The following USP7 variants were observed in gnomAD, a reference collection of about 807,000 sequenced individuals.
USP7 encodes ubiquitin C-terminal hydrolase 7.
In USP7, 9 loss-of-function variants were observed where a neutral mutation model predicts 162.9. The observed-to-expected ratio is 0.06, with a 90% CI of 0.03 to 0.10. The LOEUF is 0.10. Among genes scored for constraint, USP7 ranks in the 10% least tolerant of loss-of-function variants. USP7 has a pLI of 1.00. For missense variants in USP7, 715 were observed against 1,373.7 expected (o/e 0.52, Z 7.58); for synonymous variants, 562 against 475.9 (o/e 1.18, Z -2.35).
intron 1 of USP7, among the ~76,000 whole-genome samples, chr16:8,951,046 A>G (rs1238361464): frequency 6.6e-6 from 1 of 152,236 alleles, no homozygotes; most frequent in East Asian, 1.9e-4. Context: ...TGTGAGCAGC[A>G]GCGACACGCA....
chr16:8,924,442 C>T (rs562519417), intron 2 of USP7, among the ~76,000 whole-genome samples: 1 of 152,376 alleles, frequency 6.6e-6, no homozygotes, highest in Admixed American at 6.5e-5. Flanking sequence ...CCCAGGGCCA[C>T]ACCAAGGGCC....
chr16:8,911,205 C>G (rs1321872098), intron 10 of USP7, among the ~76,000 whole-genome samples: 2 of 152,154 alleles, frequency 1.3e-5, no homozygotes, highest in African/African-American at 2.4e-5. Flanking sequence ...GCTGATGTGG[C>G]AGAATGACAA....
chr16:8,902,268 GA>G lies in USP7; in HGVS notation c.1942-82del, dbSNP rs1318426971. 1.9e-6 allele frequency: 3 copies of G among 1,580,222 alleles called. No homozygotes were observed. In the African/African-American group the frequency reaches 4.1e-5, roughly 21 times the overall value. On this transcript the variant is annotated intron_variant, in intron 17 of 30. Transcript: ENST00000344836. ...CGAAAAACTACAGTCAAGTATTGAAGAAAACGTCCAATTCTAGTTAAGTGGA... is the reference window on the plus strand; with the variant it reads ...CGAAAAACTACAGTCAAGTATTGAAGAAACGTCCAATTCTAGTTAAGTGGA...
chr16:8,902,588 A>C, intron 16 of USP7, 106 bp from the exon 17 acceptor site: 1 of 928,050 alleles, frequency 1.1e-6, no homozygotes, highest in Non-Finnish European at 1.6e-6. Flanking sequence ...TATATAGTCA[A>C]TGTTAAGACT....
In USP7 at chr16:8,930,322, T is replaced by G; in HGVS notation, c.155A>C (p.His52Pro). The change falls in exon 2 of 31, where the codon CAC (histidine) becomes CCC (proline). Residue 52 changes from histidine (H) to proline (P), a missense_variant. His to Pro is a moderately conservative substitution (Grantham distance 77, BLOSUM62 -2). Coordinates refer to ENST00000344836, the MANE Select transcript of USP7 (RefSeq NM_003470.3). ...INGNVALSDG[H>P]NTAEEDMEDD... ...CTCCATGTCCTCCTCCGCGGTGTTG[T>G]GTCCATCACTCAGGGCCACATTCCC... 6.2e-7 allele frequency: 1 copy of G among 1,613,626 alleles called. No individual in the cohort carries two copies. The highest frequency in any genetic ancestry group is 8.5e-7 in the Non-Finnish European group (1 of 1,179,776).
At chr16:8,929,346 G>A (rs576507935) in intron 2 of USP7, 10 of 379,970 alleles carry the variant, frequency 2.6e-5, no homozygotes, top group African/African-American at 6.3e-5. Flanking sequence ...ACAAAGCAGC[G>A]GGTTTAGACC....
chr16:8,937,904 G>T (rs914517241), intron 1 of USP7, among the ~76,000 whole-genome samples: 1 of 152,150 alleles, frequency 6.6e-6, no homozygotes, highest in Non-Finnish European at 1.5e-5. Context: ...GGAGCAAGAG[G>T]GGGAGAGAAA....
intron 1 of USP7, among the ~76,000 whole-genome samples, chr16:8,959,356 C>CAAAA (rs34434646): frequency 4.9e-5 from 7 of 142,496 alleles, no homozygotes; most frequent in Non-Finnish European, 4.5e-5. Context: ...AACACTAATT[C>CAAAA]AAAAAAAAAA....
At chr16:8,918,610 G>A (rs1897508951) in intron 6 of USP7, among the ~76,000 whole-genome samples, 1 of 152,118 alleles carries the variant, frequency 6.6e-6, no homozygotes, top group South Asian at 2.1e-4. Context: ...AGGAGTTCGA[G>A]ACCAGCCTGG....
At chr16:8,930,154 T>G (rs745320804) in intron 2 of USP7, 139 bp downstream of exon 2, 3 of 576,210 alleles carry the variant, frequency 5.2e-6, no homozygotes, top group Non-Finnish European at 8.9e-6. Flanking sequence ...AAACAGGATT[T>G]TCCTCAGTTA....
chr16:8,920,014 T>C (rs1324808822), intron 5 of USP7, among the ~76,000 whole-genome samples: 4 of 152,180 alleles, frequency 2.6e-5, no homozygotes, highest in African/African-American at 7.2e-5. Flanking sequence ...GAGGACTTCC[T>C]CCCTGCCCTC....
chr16:8,960,732 C>T (rs1054998367), intron 1 of USP7, among the ~76,000 whole-genome samples: 2 of 152,224 alleles, frequency 1.3e-5, no homozygotes, highest in African/African-American at 2.4e-5. Context: ...TTCCAGCCTT[C>T]TGGCTTTTTA....
intron 18 of USP7, among the ~76,000 whole-genome samples, chr16:8,901,566 T>C (rs1344770364): frequency 3.3e-5 from 5 of 151,988 alleles, no homozygotes; most frequent in Non-Finnish European, 7.4e-5. Context: ...ACGGGAAGAT[T>C]GCGCATGGTC....
chr16:8,921,397 T>A (rs1897682650), intron 3 of USP7, 102 bp from the exon 4 acceptor site: 2 of 1,328,422 alleles, frequency 1.5e-6, no homozygotes, highest in Admixed American at 4.6e-5. Flanking sequence ...CATTTATGAT[T>A]TCATTGCTCT....
chr16:8,904,800 A>T (rs2061833875), intron 14 of USP7, among the ~76,000 whole-genome samples: 2 of 151,516 alleles, frequency 1.3e-5, no homozygotes, highest in South Asian at 2.1e-4. Context: ...AAATAAAATA[A>T]AAATAAAATA....
chr16:8,944,928 C>T (rs974891087), intron 1 of USP7, among the ~76,000 whole-genome samples: 3 of 151,912 alleles, frequency 2.0e-5, no homozygotes, highest in African/African-American at 7.3e-5. Context: ...GCCAATATGG[C>T]GAAACCTCGC....
At chr16:8,923,105 T>C in intron 3 of USP7, 110 bp downstream of exon 3, 1 of 518,534 alleles carries the variant, frequency 1.9e-6, no homozygotes, top group Non-Finnish European at 3.0e-6. Flanking sequence ...GAGAAACACG[T>C]ATTTAATCTA....
intron 1 of USP7, among the ~76,000 whole-genome samples, chr16:8,953,472 A>G (rs138414736): frequency 1.3e-5 from 2 of 152,318 alleles, no homozygotes; most frequent in Non-Finnish European, 2.9e-5. Flanking sequence ...AAACCAAGAC[A>G]GTAAGAAACG....
At position 8,910,833 on chromosome 16, in the gene USP7, A is replaced by G. The variant is rs770781522; in HGVS notation, c.1079-6T>C. ...ATCCACAAATGATTCAAATACTTTAAAGAGAGAGAGAGAAAAGTCAAGTGC... is the reference window on the plus strand; with the variant it reads ...ATCCACAAATGATTCAAATACTTTAGAGAGAGAGAGAGAAAAGTCAAGTGC... On this transcript the variant is annotated splice_polypyrimidine_tract_variant and splice_region_variant and intron_variant, in intron 10 of 30. Transcript: ENST00000344836. The G allele has an allele frequency of 3.2e-5, 52 of 1,612,054 alleles. No individual in the cohort carries two copies. The highest frequency in any genetic ancestry group is 5.0e-5 in the Admixed American group (3 of 59,960).
Sources: allele counts gnomAD v4.1 joint callset (sites outside exome capture counted in the v4.1 genomes callset), GRCh38; gene constraint gnomAD v4.1.1; transcripts MANE v1.5; gene names NCBI Gene and HGNC (gene_info 2026-07-23, HGNC 2026-07-21).